The following MRPS35 variants were observed in gnomAD, a reference collection of about 807,000 sequenced individuals.
MRPS35 encodes the protein mitochondrial ribosomal protein S35, also known as small ribosomal subunit protein mS35.
A neutral mutation model predicts 32.7 loss-of-function variants in MRPS35; 29 were observed. The ratio of observed to expected loss-of-function variants is 0.89; its 90% confidence interval spans 0.66 to 1.21. The LOEUF is 1.21. Ranked by LOEUF, MRPS35 falls within the 50% of genes most tolerant of loss-of-function variation. The pLI is 0.00. For synonymous variants in MRPS35, 148 were observed against 139.3 expected (o/e 1.06, Z -0.44); for missense variants, 373 against 383.8 (o/e 0.97, Z 0.23).
At position 27,714,748 on chromosome 12, in the gene MRPS35, TCTTTAACTACTGTG is replaced by T. The variant is rs1325954214; in HGVS notation, c.113-31_113-18del. On this transcript the variant is annotated intron_variant, in intron 1 of 7. Transcript: ENST00000081029. ...CAACTAACTTGACATGATAAAATTC[TCTTTAACTACTGTG>T]TTATCTTTTACGTACAGCGGAAAGA... 1 of 1,556,074 alleles carries T rather than the reference TCTTTAACTACTGTG, an allele frequency of 6.4e-7. No individual in the cohort carries two copies. Among genetic ancestry groups the T allele is most frequent in the Non-Finnish European group, 8.8e-7 (1 of 1,132,624 alleles).
At chr12:27,728,355 G>C (rs542325179) in intron 5 of MRPS35, among the ~76,000 whole-genome samples, 2 of 152,010 alleles carry the variant, frequency 1.3e-5, no homozygotes, top group African/African-American at 2.4e-5. Flanking sequence ...CATACACATG[G>C]CATCTTGATT....
chr12:27,724,243 A>G (rs1358120675), intron 5 of MRPS35, 57 bp downstream of exon 5: 1 of 1,403,774 alleles, frequency 7.1e-7, no homozygotes, highest in Non-Finnish European at 9.3e-7. Flanking sequence ...TACATTATTT[A>G]AAGATGTCTT....
chr12:27,745,772 G>A (rs1225193397), intron 7 of MRPS35, among the ~76,000 whole-genome samples: 1 of 150,722 alleles, frequency 6.6e-6, no homozygotes, highest in Non-Finnish European at 1.5e-5. Flanking sequence ...GTGTCCCTGT[G>A]TTCTCATTGT....
At chr12:27,737,670 A>C in intron 7 of MRPS35, 62 bp downstream of exon 7, 1 of 1,341,632 alleles carries the variant, frequency 7.5e-7, no homozygotes, top group African/African-American at 1.5e-5. Flanking sequence ...TAACCTTTCA[A>C]AATACTCTTT....
intron 3 of MRPS35, among the ~76,000 whole-genome samples, chr12:27,717,593 A>T (rs1272659561): frequency 6.6e-6 from 1 of 152,192 alleles, no homozygotes; most frequent in African/African-American, 2.4e-5. Context: ...GAGAATGGGT[A>T]CTCTGTTGCT....
intron 3 of MRPS35, among the ~76,000 whole-genome samples, chr12:27,719,000 T>G (rs537017801): frequency 2.0e-5 from 3 of 152,146 alleles, no homozygotes; most frequent in Non-Finnish European, 4.4e-5. Context: ...GGGAGGAGAA[T>G]TGCTTGAGCC....
At chr12:27,752,088 AT>A (rs67413326) in intron 7 of MRPS35, among the ~76,000 whole-genome samples, 96,212 of 148,302 alleles carry the variant, frequency 0.65, 31,745 homozygotes, top group African/African-American at 0.81. Flanking sequence ...AAAAAAAAAA[AT>A]AAAATAAAAT....
At position 27,733,528 on chromosome 12, in the gene MRPS35, C is replaced by G. The variant is rs374826871; in HGVS notation, c.523-1919C>G. On this transcript the variant is annotated intron_variant, in intron 5 of 7. Transcript: ENST00000081029. ...AAGGGAGGTTTAAAAAAGGCAAAAT[C>G]ACAACATTCTCACTATCCTAATGTA... 3.3e-5 allele frequency among the ~76,000 whole-genome samples: 5 copies of G among 152,274 alleles called. No individual in the cohort carries two copies. In the East Asian group the frequency reaches 5.8e-4, roughly 18 times the overall value.
At chr12:27,754,263 A>T (rs1362184623) in intron 7 of MRPS35, among the ~76,000 whole-genome samples, 1 of 151,926 alleles carries the variant, frequency 6.6e-6, no homozygotes, top group East Asian at 1.9e-4. Context: ...TGGCGGGGGA[A>T]AAAAGAAAAT....
At chr12:27,727,151 G>A (rs1279436461) in intron 5 of MRPS35, among the ~76,000 whole-genome samples, 38 of 151,836 alleles carry the variant, frequency 2.5e-4, no homozygotes, top group Non-Finnish European at 2.9e-5. Flanking sequence ...TAGTAGAGAT[G>A]GGGTTTTCAC....
chr12:27,738,484 G>T (rs1228163597), intron 7 of MRPS35, among the ~76,000 whole-genome samples: 2 of 152,130 alleles, frequency 1.3e-5, no homozygotes, highest in African/African-American at 2.4e-5. Flanking sequence ...GAGTTTTCAT[G>T]TAAGTATGTA....
chr12:27,752,657 C>A (rs2062010390), intron 7 of MRPS35, among the ~76,000 whole-genome samples: 1 of 152,098 alleles, frequency 6.6e-6, no homozygotes, highest in African/African-American at 2.4e-5. Context: ...TGTCTTGAAA[C>A]CTTTAAAACA....
intron 5 of MRPS35, 46 bp from the exon 6 acceptor site, chr12:27,735,401 C>A: frequency 7.2e-7 from 1 of 1,396,372 alleles, no homozygotes; most frequent in South Asian, 1.3e-5. Context: ...TTTCACTAAA[C>A]AATTATATGA....
At chr12:27,749,623 C>G (rs1171519502) in intron 7 of MRPS35, among the ~76,000 whole-genome samples, 1 of 152,134 alleles carries the variant, frequency 6.6e-6, no homozygotes, top group Non-Finnish European at 1.5e-5. Context: ...CATTTTGAAG[C>G]CATTCTGCAG....
chr12:27,731,610 C>T (rs1264425723), intron 5 of MRPS35, among the ~76,000 whole-genome samples: 1 of 151,990 alleles, frequency 6.6e-6, no homozygotes, highest in African/African-American at 2.4e-5. Flanking sequence ...GCTCTGTTGC[C>T]CAGGCTGGAG....
At position 27,755,220 on chromosome 12, in the gene MRPS35, A is replaced by G. The variant is rs1379604667; in HGVS notation, c.742A>G (p.Met248Val). Residue 248 changes from methionine (M) to valine (V), a missense_variant, in exon 8 of 8, where the codon ATG (methionine) becomes GTG (valine). Physicochemically the swap from Met to Val is conservative, Grantham distance 21. Coordinates refer to ENST00000081029, the MANE Select transcript of MRPS35 (RefSeq NM_021821.4). ...GGAAAAAAGTAAGACTGAAGCAGAC[A>G]TGGAAGAGTATATATGGGAAAATAG... is the stretch of plus-strand genomic sequence containing the variant. ...EWEKSKTEAD[M>V]EEYIWENSSS... 3 of 1,594,780 alleles carry G rather than the reference A, an allele frequency of 1.9e-6. No individual in the cohort carries two copies. Among genetic ancestry groups the G allele is most frequent in the Non-Finnish European group, 2.6e-6 (3 of 1,175,342 alleles).
intron 5 of MRPS35, among the ~76,000 whole-genome samples, chr12:27,729,008 C>G (rs2061911060): frequency 6.6e-6 from 1 of 152,160 alleles, no homozygotes; most frequent in Non-Finnish European, 1.5e-5. Context: ...AAGAAGCTGA[C>G]AACCTAATCA....
At chr12:27,728,172 T>A (rs1264166533) in intron 5 of MRPS35, among the ~76,000 whole-genome samples, 1 of 152,056 alleles carries the variant, frequency 6.6e-6, no homozygotes, top group African/African-American at 2.4e-5. Context: ...CAATACCATT[T>A]TTGAAAAGAC....
Position 27,737,535 on chromosome 12 carries a change from A to T in MRPS35, c.633-4A>T. 6.2e-7 allele frequency: 1 copy of T among 1,611,898 alleles called. No homozygotes were observed. On this transcript the variant is annotated splice_polypyrimidine_tract_variant and splice_region_variant and intron_variant, in intron 6 of 7. Coordinates refer to ENST00000081029, the MANE Select transcript of MRPS35 (RefSeq NM_021821.4). Reference sequence around the variant, plus strand: ...TTTGACTTCTCCCGCTTTCTCTTTAATAGGTGCCCTTTAAGGAGGCAGAAT... The same window carrying T: ...TTTGACTTCTCCCGCTTTCTCTTTATTAGGTGCCCTTTAAGGAGGCAGAAT...
Sources: allele counts gnomAD v4.1 joint callset (sites outside exome capture counted in the v4.1 genomes callset), GRCh38; gene constraint gnomAD v4.1.1; transcripts MANE v1.5; gene names NCBI Gene and HGNC (gene_info 2026-07-23, HGNC 2026-07-21).